The following ARHGAP6 variants were observed in gnomAD, a reference collection of about 807,000 sequenced individuals.
ARHGAP6 encodes the protein rho GTPase-activating protein 6.
A neutral mutation model predicts 55.7 loss-of-function variants in ARHGAP6; 16 were observed. That is an observed-to-expected ratio of 0.29 (90% CI 0.19 to 0.44). ARHGAP6 has a LOEUF of 0.44. Among genes scored for constraint, ARHGAP6 ranks in the 20% least tolerant of loss-of-function variants. The pLI, the probability that ARHGAP6 is intolerant of heterozygous loss-of-function variation, is 1.00. For missense variants in ARHGAP6, 698 were observed against 808.9 expected, an observed-to-expected ratio of 0.86 and a Z score of 1.66; for synonymous variants, 382 against 360.9, an observed-to-expected ratio of 1.06 and a Z score of -0.66.
At chrX:11,605,040 G>A (rs1166296436) in intron 1 of ARHGAP6, among the ~76,000 whole-genome samples, 1 of 111,888 alleles carries the variant, frequency 8.9e-6, no homozygotes, top group East Asian at 2.8e-4. Flanking sequence ...CCTGGATGAA[G>A]CCTCACAGCA....
chrX:11,168,686 A>G lies in ARHGAP6; in HGVS notation c.1809+819T>C, dbSNP rs1268036751. 8.0e-5 allele frequency among the ~76,000 whole-genome samples: 9 copies of G among 112,279 alleles called. No individual in the cohort carries two copies. The Admixed American group carries it at 8.5e-4, about 11-fold the overall frequency. The stretch of plus-strand genomic sequence containing the variant: ...CAGGCTTTATAGCGTTTGCAAATTG[A>G]CAAGAGAAATGGGAGAAAAAACATG... On this transcript the variant is annotated intron_variant, in intron 9 of 12. Coordinates refer to ENST00000337414, the MANE Select transcript of ARHGAP6 (RefSeq NM_013427.3).
intron 1 of ARHGAP6, among the ~76,000 whole-genome samples, chrX:11,600,180 G>A (rs2051952374): frequency 9.0e-6 from 1 of 111,535 alleles, no homozygotes; most frequent in Admixed American, 9.6e-5. Flanking sequence ...ATGAATTCCT[G>A]GGAATCCAAG....
intron 1 of ARHGAP6, among the ~76,000 whole-genome samples, chrX:11,282,672 C>T (rs1361954093): frequency 8.9e-6 from 1 of 111,922 alleles, no homozygotes; most frequent in Non-Finnish European, 1.9e-5. Flanking sequence ...TGGCACCTGG[C>T]CATCGATATT....
intron 1 of ARHGAP6, among the ~76,000 whole-genome samples, chrX:11,571,754 G>A (rs947471003): frequency 5.7e-5 from 6 of 104,622 alleles, no homozygotes; most frequent in African/African-American, 2.1e-4. Context: ...TGAGTATAGT[G>A]CTGCATGCCT....
chrX:11,391,525 C>T (rs766178251), intron 1 of ARHGAP6, among the ~76,000 whole-genome samples: 1 of 111,222 alleles, frequency 9.0e-6, no homozygotes, highest in East Asian at 2.8e-4. Flanking sequence ...CTGGTACTCT[C>T]AAACAAGCAA....
intron 1 of ARHGAP6, among the ~76,000 whole-genome samples, chrX:11,623,713 A>T (rs895776529): frequency 9.4e-6 from 1 of 106,196 alleles, no homozygotes; most frequent in African/African-American, 3.4e-5. Flanking sequence ...AAAAAAAAAA[A>T]AAATTGAAGA....
chrX:11,457,011 C>G (rs979865639), intron 1 of ARHGAP6, among the ~76,000 whole-genome samples: 5 of 111,549 alleles, frequency 4.5e-5, no homozygotes, highest in African/African-American at 1.6e-4. Context: ...AGATTTTGTA[C>G]TATCCTGTTA....
At chrX:11,508,340 G>T (rs1236772121) in intron 1 of ARHGAP6, among the ~76,000 whole-genome samples, 1 of 110,845 alleles carries the variant, frequency 9.0e-6, no homozygotes, top group Non-Finnish European at 1.9e-5. Flanking sequence ...ACATAAGTAT[G>T]TCCCATGCTA....
At position 11,410,516 on chromosome X, in the gene ARHGAP6, GT is replaced by G. The variant is rs746596569; in HGVS notation, c.589-155810del. ...AGAGAGTGACTGCCAGTGGCATGGA[GT>G]TTCTTTTGGGGAAACAAAAATATTC... On this transcript the variant is annotated intron_variant, in intron 1 of 12. Transcript: ENST00000337414. 3.1e-4 allele frequency among the ~76,000 whole-genome samples: 35 copies of G among 112,404 alleles called. No individual in the cohort carries two copies. In the South Asian group the frequency reaches 0.013, roughly 41 times the overall value.
chrX:11,461,188 G>A (rs185260522), intron 1 of ARHGAP6, among the ~76,000 whole-genome samples: 3 of 112,151 alleles, frequency 2.7e-5, no homozygotes, highest in East Asian at 2.8e-4. Context: ...ACTCAAGCTG[G>A]TTGGGAAGAG....
intron 2 of ARHGAP6, among the ~76,000 whole-genome samples, chrX:11,199,913 G>A (rs774610109): frequency 1.8e-5 from 2 of 112,506 alleles, no homozygotes; most frequent in African/African-American, 6.4e-5. Flanking sequence ...GATGCACAAT[G>A]CAACTGCTTA....
chrX:11,146,074 C>A (rs1360212299), intron 10 of ARHGAP6, among the ~76,000 whole-genome samples: 1 of 112,262 alleles, frequency 8.9e-6, no homozygotes, highest in African/African-American at 3.2e-5. Flanking sequence ...TGTGGTGGTC[C>A]TGACCTTGGG....
At chrX:11,323,082 T>C (rs758706690) in intron 1 of ARHGAP6, among the ~76,000 whole-genome samples, 4 of 112,375 alleles carry the variant, frequency 3.6e-5, no homozygotes, top group South Asian at 3.7e-4. Context: ...GTAACAATTA[T>C]TCAGGAATGA....
Position 11,665,061 on chromosome X carries a change from G to A in ARHGAP6, c.-233C>T. The A allele has an allele frequency of 2.9e-6, 1 of 348,194 alleles. No homozygotes were observed. The highest frequency in any genetic ancestry group is 4.9e-6 in the Non-Finnish European group (1 of 204,384). The allele number at this position is 348,194 out of a possible 1,213,427, so 28.7% of individuals were successfully genotyped here. On this transcript the variant is annotated 5_prime_UTR_variant, in exon 1 of 13. Transcript: ENST00000337414. The stretch of plus-strand genomic sequence containing the variant: ...AGCCTTCTAGGAAAATGGGTCTGGG[G>A]ACCTCCTGCAGCCGCTAGAACCTTC...
chrX:11,413,718 A>T (rs2049715483), intron 1 of ARHGAP6, among the ~76,000 whole-genome samples: 1 of 112,368 alleles, frequency 8.9e-6, no homozygotes, highest in Admixed American at 9.4e-5. Context: ...TCCCTTTCGC[A>T]CTGGTAAGAA....
chrX:11,397,557 A>G (rs1006922234), intron 1 of ARHGAP6, among the ~76,000 whole-genome samples: 1 of 111,854 alleles, frequency 8.9e-6, no homozygotes, highest in Non-Finnish European at 1.9e-5. Flanking sequence ...TCTCACATTT[A>G]ATTTCATTGC....
intron 1 of ARHGAP6, among the ~76,000 whole-genome samples, chrX:11,656,558 A>G (rs2052639598): frequency 8.9e-6 from 1 of 111,986 alleles, no homozygotes; most frequent in Non-Finnish European, 1.9e-5. Context: ...GCTACAGCCA[A>G]GGGCTGTGGC....
At chrX:11,206,664 A>G (rs865907713) in intron 2 of ARHGAP6, among the ~76,000 whole-genome samples, 1 of 111,601 alleles carries the variant, frequency 9.0e-6, no homozygotes, top group Middle Eastern at 4.6e-3. Flanking sequence ...CAGTCAAAAT[A>G]AATGATTATG....
chrX:11,206,639 TTGTTA>T (rs1273590604), intron 2 of ARHGAP6, among the ~76,000 whole-genome samples: 2 of 111,571 alleles, frequency 1.8e-5, no homozygotes, highest in Non-Finnish European at 3.8e-5. Flanking sequence ...AGGTTTTGCC[TTGTTA>T]TATTACTTAC....
Sources: gnomAD v4.1 joint callset for allele counts (sites outside exome capture counted in the v4.1 genomes callset) on GRCh38, gnomAD v4.1.1 for gene constraint, MANE v1.5 for transcripts, NCBI Gene and HGNC (gene_info 2026-07-23, HGNC 2026-07-21) for gene names.